The following UNC5C variants were observed in gnomAD, a reference collection of about 807,000 sequenced individuals.
UNC5C encodes netrin receptor UNC5C.
A neutral mutation model predicts 99.8 loss-of-function variants in UNC5C; 47 were observed. The observed-to-expected ratio is 0.47, with a 90% CI of 0.37 to 0.60. UNC5C has a LOEUF of 0.60. Ranked by LOEUF, UNC5C falls within the 20% of genes least tolerant of loss-of-function variation. The pLI is 0.00. For synonymous variants in UNC5C, 487 were observed against 452.2 expected, an observed-to-expected ratio of 1.08 and a Z score of -0.98; for missense variants, 1,062 against 1,165.9, an observed-to-expected ratio of 0.91 and a Z score of 1.30.
chr4:95,326,345 C>T (rs1365125962), intron 2 of UNC5C, among the ~76,000 whole-genome samples: 1 of 151,454 alleles, frequency 6.6e-6, no homozygotes, highest in Non-Finnish European at 1.5e-5. Context: ...TTTGCTTCTT[C>T]ATAGAGAAAA....
intron 1 of UNC5C, among the ~76,000 whole-genome samples, chr4:95,417,178 G>A (rs771193936): frequency 6.6e-5 from 10 of 152,210 alleles, no homozygotes; most frequent in Admixed American, 3.3e-4. Flanking sequence ...AATGAGTGCC[G>A]TCGGGATCTC....
intron 1 of UNC5C, among the ~76,000 whole-genome samples, chr4:95,540,416 C>A (rs1722890446): frequency 6.6e-6 from 1 of 152,168 alleles, no homozygotes. Flanking sequence ...TTTTCCACCA[C>A]CCTGCATGCT....
At chr4:95,488,108 C>T (rs148974866) in intron 1 of UNC5C, among the ~76,000 whole-genome samples, 5 of 151,780 alleles carry the variant, frequency 3.3e-5, no homozygotes, top group African/African-American at 7.2e-5. Context: ...AGTCAAACTA[C>T]GGTAAGCCCA....
chr4:95,240,289 TA>T (rs1475304376), intron 7 of UNC5C, among the ~76,000 whole-genome samples: 3 of 152,196 alleles, frequency 2.0e-5, no homozygotes, highest in Non-Finnish European at 4.4e-5. Flanking sequence ...CAAACAATAT[TA>T]TTTTTTTACA....
rs1273513834 is a variant in UNC5C at position 95,202,973 on chromosome 4, CAA to C, written c.1903-11_1903-10del. 6.2e-7 allele frequency: 1 copy of C among 1,613,738 alleles called. No homozygotes were observed. Among genetic ancestry groups the C allele is most frequent in the African/African-American group, 1.3e-5 (1 of 74,884 alleles). On this transcript the variant is annotated splice_polypyrimidine_tract_variant and intron_variant, in intron 11 of 15. Transcript: ENST00000453304. ...CCGACCACCACCACATCCTGGGGGACAAGAGGGAAGGGCCATGGCTAAGTCAC... is the reference window on the plus strand; with the variant it reads ...CCGACCACCACCACATCCTGGGGGACGAGGGAAGGGCCATGGCTAAGTCAC...
chr4:95,368,119 T>C lies in UNC5C; in HGVS notation c.125-32488A>G, dbSNP rs547028913. Among the ~76,000 whole-genome samples the C allele has an allele frequency of 3.9e-5, 6 of 152,262 alleles. No individual in the cohort carries two copies. In the South Asian group the frequency reaches 1.2e-3, roughly 32 times the overall value. ...ACCCCTTTCATGATTTAAAAACATT[T>C]TGACGTCTAAAATAACACTGTCTAG... On this transcript the variant is annotated intron_variant, in intron 1 of 15. Transcript: ENST00000453304.
At chr4:95,502,726 T>C (rs1319232832) in intron 1 of UNC5C, among the ~76,000 whole-genome samples, 1 of 152,176 alleles carries the variant, frequency 6.6e-6, no homozygotes. Flanking sequence ...AAAATGAAAA[T>C]AGACAGTTTT....
chr4:95,483,347 ACTCTTT>A (rs937647136), intron 1 of UNC5C, among the ~76,000 whole-genome samples: 12 of 151,628 alleles, frequency 7.9e-5, no homozygotes, highest in South Asian at 6.2e-4. Flanking sequence ...GTTATCTTTA[ACTCTTT>A]CTCTTTATTT....
chr4:95,222,989 A>G (rs992860299), intron 7 of UNC5C, among the ~76,000 whole-genome samples: 2 of 152,204 alleles, frequency 1.3e-5, no homozygotes, highest in African/African-American at 4.8e-5. Context: ...AATGGTGTAT[A>G]TTGGGAAAAA....
chr4:95,507,082 TC>T (rs1315289162), intron 1 of UNC5C, among the ~76,000 whole-genome samples: 2 of 151,912 alleles, frequency 1.3e-5, no homozygotes, highest in Admixed American at 1.3e-4. Context: ...TCAACAAACG[TC>T]CAGGAATTTG....
chr4:95,223,848 T>C (rs1240497881), intron 7 of UNC5C, among the ~76,000 whole-genome samples: 5 of 152,082 alleles, frequency 3.3e-5, no homozygotes, highest in Non-Finnish European at 7.4e-5. Flanking sequence ...GGAGACCAGA[T>C]CACAATGCCA....
At chr4:95,460,144 T>G (rs1747556495) in intron 1 of UNC5C, among the ~76,000 whole-genome samples, 2 of 150,728 alleles carry the variant, frequency 1.3e-5, no homozygotes, top group Admixed American at 6.6e-5. Flanking sequence ...TGGGATTGTC[T>G]GTGGGTAACT....
chr4:95,529,383 T>C (rs1430182748), intron 1 of UNC5C, among the ~76,000 whole-genome samples: 1 of 148,618 alleles, frequency 6.7e-6, no homozygotes, highest in South Asian at 2.1e-4. Context: ...AAAATATATA[T>C]ATACAAAGTT....
At chr4:95,301,216 G>C (rs866174927) in intron 3 of UNC5C, among the ~76,000 whole-genome samples, 1 of 30,208 alleles carries the variant, frequency 3.3e-5, no homozygotes, top group African/African-American at 1.1e-4. Context: ...TTTTTTTTTT[G>C]AGACAGTCTT....
chr4:95,485,566 G>T lies in UNC5C; in HGVS notation c.124+63168C>A, dbSNP rs1422655418. Among the ~76,000 whole-genome samples, 3 of 151,684 alleles carry T rather than the reference G, an allele frequency of 2.0e-5. No homozygotes were observed. The East Asian group carries it at 5.9e-4, about 30-fold the overall frequency. The stretch of plus-strand genomic sequence containing the variant: ...AAACTAACATTAACACCACAAATTA[G>T]TCGAACACCTTATATTTGCTCTGTG... On this transcript the variant is annotated intron_variant, in intron 1 of 15. Transcript: ENST00000453304.
chr4:95,546,293 AAGG>A (rs1184260675), intron 1 of UNC5C, among the ~76,000 whole-genome samples: 2 of 152,218 alleles, frequency 1.3e-5, no homozygotes, highest in Non-Finnish European at 2.9e-5. Context: ...TAAGAAGGAA[AAGG>A]AGGTCTGACT....
chr4:95,216,071 C>G, intron 10 of UNC5C, 53 bp downstream of exon 10: 1 of 1,485,736 alleles, frequency 6.7e-7, no homozygotes, highest in Non-Finnish European at 9.3e-7. Context: ...TTGTACAATT[C>G]TCCTCCAAGT....
chr4:95,547,619 C>T (rs1395743126), intron 1 of UNC5C, among the ~76,000 whole-genome samples: 6 of 152,196 alleles, frequency 3.9e-5, no homozygotes, highest in Non-Finnish European at 8.8e-5. Flanking sequence ...GCTGCCTCGC[C>T]TGAGCCGGCT....
At chr4:95,248,493 T>G (rs1739580955) in intron 5 of UNC5C, 2 of 454,264 alleles carry the variant, frequency 4.4e-6, no homozygotes, top group Non-Finnish European at 8.8e-6. Flanking sequence ...CTTCCTGTCC[T>G]TGAGGATAAG....
Sources: allele counts gnomAD v4.1 joint callset (sites outside exome capture counted in the v4.1 genomes callset), GRCh38; gene constraint gnomAD v4.1.1; transcripts MANE v1.5; gene names NCBI Gene and HGNC (gene_info 2026-07-23, HGNC 2026-07-21).